SYNE2: variants seen among roughly 807,000 people sequenced by gnomAD.
SYNE2 encodes nesprin-2.
In SYNE2, 431 loss-of-function variants were observed where a neutral mutation model predicts 856.3. The ratio of observed to expected loss-of-function variants is 0.50; its 90% CI spans 0.47 to 0.55. The LOEUF (loss-of-function observed/expected upper bound fraction) is 0.55. Ranked by LOEUF, SYNE2 falls within the 20% of genes least tolerant of loss-of-function variation. The pLI is 0.00. For missense variants in SYNE2, 8,129 were observed against 8,023.2 expected, an observed-to-expected ratio of 1.01 and a Z score of -0.50; for synonymous variants, 2,923 against 2,872.3, an observed-to-expected ratio of 1.02 and a Z score of -0.56.
chr14:63,897,043 G>T (rs1445853486), intron 1 of SYNE2, among the ~76,000 whole-genome samples: 2 of 152,154 alleles, frequency 1.3e-5, no homozygotes, highest in Non-Finnish European at 1.5e-5. Context: ...CCTGTCATCA[G>T]GAGTTTGAGA....
rs374443193 is a variant in SYNE2 at position 64,165,357 on chromosome 14, G to A, written c.16552G>A (p.Glu5518Lys). Residue 5518 changes from glutamate (E) to lysine (K), a missense_variant, in exon 90 of 116, where the codon GAG (glutamate) becomes AAG (lysine). Glu to Lys is a moderately conservative substitution (Grantham distance 56). Transcript: ENST00000555002. ...AAAAGGTCTTATTATGCATGAAGAAGAGAATTTGGATAGACTTCACCAACA... is the reference window on the plus strand; with the variant it reads ...AAAAGGTCTTATTATGCATGAAGAAAAGAATTTGGATAGACTTCACCAACA... Reference protein sequence around the residue: ...SLKGLIMHEEENLDRLHQQEK... With the variant: ...SLKGLIMHEEKNLDRLHQQEK... 1.9e-6 allele frequency: 3 copies of A among 1,613,802 alleles called. No individual in the cohort carries two copies. The highest frequency in any genetic ancestry group is 2.5e-6 in the Non-Finnish European group (3 of 1,179,918).
intron 1 of SYNE2, among the ~76,000 whole-genome samples, chr14:63,789,509 CAGTGGCT>C (rs1240404172): frequency 6.6e-6 from 1 of 152,118 alleles, no homozygotes; most frequent in African/African-American, 2.4e-5. Flanking sequence ...TGGCCGGGCG[CAGTGGCT>C]CAGACCTGCC....
At chr14:64,194,881 C>T (rs375316432) in intron 99 of SYNE2, among the ~76,000 whole-genome samples, 1 of 152,206 alleles carries the variant, frequency 6.6e-6, no homozygotes, top group South Asian at 2.1e-4. Context: ...AGTTGACCTG[C>T]CACCTGATCT....
At chr14:64,020,198 G>C in intron 35 of SYNE2, 105 bp downstream of exon 35, 477 of 688,126 alleles carry the variant, frequency 6.9e-4, no homozygotes, top group East Asian at 9.8e-4. Flanking sequence ...GTCTCTAAAA[G>C]AAGAAAAAAA....
At position 64,031,008 on chromosome 14, in the gene SYNE2, A is replaced by G. The variant is rs2097030152; in HGVS notation, c.6880-8A>G. ...ATGGAGATATAACAATCTTTTCTCC[A>G]CTCGTAGGAACTAGAGAATAGACTC... On this transcript the variant is annotated splice_polypyrimidine_tract_variant and splice_region_variant and intron_variant, in intron 44 of 115. Coordinates refer to ENST00000555002, the MANE Select transcript of SYNE2 (RefSeq NM_182914.3). 2 of 1,605,918 alleles carry G rather than the reference A, an allele frequency of 1.2e-6. No homozygotes were observed. Among genetic ancestry groups the G allele is most frequent in the Non-Finnish European group, 1.7e-6 (2 of 1,173,028 alleles).
intron 1 of SYNE2, among the ~76,000 whole-genome samples, chr14:63,799,553 AT>A (rs756963061): frequency 7.2e-5 from 11 of 151,954 alleles, no homozygotes; most frequent in Non-Finnish European, 1.5e-4. Flanking sequence ...AAACAAAAAA[AT>A]TTAGCCGGGC....
intron 63 of SYNE2, chr14:64,099,213 G>C (rs1165086184): frequency 3.8e-6 from 1 of 261,656 alleles, no homozygotes; most frequent in African/African-American, 2.2e-5. Flanking sequence ...ATGACATGAA[G>C]AGTTGTGTTA....
chr14:63,761,692 C>A (rs1294405610), upstream of SYNE2, among the ~76,000 whole-genome samples: 1 of 152,140 alleles, frequency 6.6e-6, no homozygotes, highest in Non-Finnish European at 1.5e-5. Flanking sequence ...ATGTCCTTTT[C>A]GGCTTTATGA....
chr14:64,015,750 T>G (rs1323186589), intron 32 of SYNE2, among the ~76,000 whole-genome samples: 1 of 152,108 alleles, frequency 6.6e-6, no homozygotes, highest in African/African-American at 2.4e-5. Context: ...ATTTTGTTCT[T>G]TTCTTAGATT....
intron 1 of SYNE2, among the ~76,000 whole-genome samples, chr14:63,896,935 A>G (rs2095262196): frequency 6.6e-6 from 1 of 152,010 alleles, no homozygotes; most frequent in African/African-American, 2.4e-5. Context: ...TTTACTGTAT[A>G]TGTGTTCATG....
At chr14:63,909,980 T>A (rs1167913570) in intron 2 of SYNE2, among the ~76,000 whole-genome samples, 1 of 152,216 alleles carries the variant, frequency 6.6e-6, no homozygotes, top group Non-Finnish European at 1.5e-5. Context: ...AAGTGCTTCT[T>A]GTGGAGTTTG....
At chr14:63,811,017 A>G (rs938376087) in intron 1 of SYNE2, among the ~76,000 whole-genome samples, 4 of 151,832 alleles carry the variant, frequency 2.6e-5, no homozygotes, top group African/African-American at 9.7e-5. Flanking sequence ...TGGTATTTTT[A>G]GTAGAGATGG....
At position 63,815,551 on chromosome 14, in the gene SYNE2, A is replaced by G. The variant is rs547814215; in HGVS notation, c.-304-36950A>G. Among the ~76,000 whole-genome samples, 6 of 152,152 alleles carry G rather than the reference A, an allele frequency of 3.9e-5. No individual in the cohort carries two copies. In the South Asian group the frequency reaches 1.0e-3, roughly 26 times the overall value. ...TGCCTTTCACAGCCCACTGACTCCA[A>G]TGTTAATCTCCTTTGGTAACACCCT... On this transcript the variant is annotated intron_variant, in intron 1 of 23. Transcript: ENST00000674003.
chr14:64,019,251 C>A (rs117231443), intron 34 of SYNE2, among the ~76,000 whole-genome samples: 21 of 144,522 alleles, frequency 1.5e-4, no homozygotes, highest in African/African-American at 3.8e-4. Context: ...CCATCCTGAA[C>A]GACAAAGGGA....
At chr14:63,883,358 C>A (rs2094909395) in intron 1 of SYNE2, among the ~76,000 whole-genome samples, 1 of 151,950 alleles carries the variant, frequency 6.6e-6, no homozygotes, top group South Asian at 2.1e-4. Context: ...GATGCTCGGC[C>A]TATTTATTCA....
intron 19 of SYNE2, among the ~76,000 whole-genome samples, chr14:63,990,132 C>T (rs2096655834): frequency 6.6e-6 from 1 of 152,100 alleles, no homozygotes; most frequent in South Asian, 2.1e-4. Context: ...TATTTATTAC[C>T]ATTGTCTCAA....
chr14:63,919,800 A>G (rs953163973), intron 2 of SYNE2, among the ~76,000 whole-genome samples: 5 of 152,046 alleles, frequency 3.3e-5, no homozygotes, highest in Non-Finnish European at 5.9e-5. Flanking sequence ...CGCTCCTAAG[A>G]TTTGTTGTGA....
At chr14:63,876,511 C>G (rs7149766) in intron 1 of SYNE2, among the ~76,000 whole-genome samples, 96,453 of 149,722 alleles carry the variant, frequency 0.64, 31,337 homozygotes, top group South Asian at 0.77. Flanking sequence ...TTTTTGAGAC[C>G]GAGTCTCGCT....
At chr14:64,140,736 G>A (rs1181643754) in intron 80 of SYNE2, among the ~76,000 whole-genome samples, 1 of 152,030 alleles carries the variant, frequency 6.6e-6, no homozygotes, top group Non-Finnish European at 1.5e-5. Flanking sequence ...CTACTAAAAA[G>A]CTTTTGTTCC....
Sources: gnomAD v4.1 joint callset for allele counts (sites outside exome capture counted in the v4.1 genomes callset) on GRCh38, gnomAD v4.1.1 for gene constraint, MANE v1.5 for transcripts, NCBI Gene and HGNC (gene_info 2026-07-23, HGNC 2026-07-21) for gene names.